MYSM1: variants seen among roughly 807,000 people sequenced by gnomAD.
The protein encoded by MYSM1 is Myb like, SWIRM and MPN domains 1.
A neutral mutation model predicts 116.0 loss-of-function variants in MYSM1; 51 were observed. The observed-to-expected ratio is 0.44, with a 90% CI of 0.35 to 0.56. The LOEUF is 0.56. Ranked by LOEUF, MYSM1 falls within the 20% of genes least tolerant of loss-of-function variation. The probability of loss-of-function intolerance (pLI) is 0.00; values close to 1 mark genes in which losing one functional copy is unlikely to be tolerated. For synonymous variants in MYSM1, 313 were observed against 315.2 expected (o/e 0.99, Z 0.07); for missense variants, 900 against 974.9 (o/e 0.92, Z 1.02).
At position 58,698,097 on chromosome 1, in the gene MYSM1, TATA is replaced by T. The variant is rs1156602754; in HGVS notation, c.68+1885_68+1887del. On this transcript the variant is annotated intron_variant, in intron 1 of 19. Transcript: ENST00000472487. ...CTATTTATCAGACTATATATATATA[TATA>T]TATTTTTTTTTTTTTTTTGAGACAG... 1.3e-4 allele frequency among the ~76,000 whole-genome samples: 6 copies of T among 45,738 alleles called. No individual in the cohort carries two copies. In the Admixed American group the frequency reaches 1.4e-3, roughly 11 times the overall value. The allele number at this position is 45,738 out of a possible 152,430, so 30.0% of individuals were successfully genotyped here. A position where few individuals can be genotyped will look rare whatever the true frequency, so the allele number is the denominator to read the frequency against.
At chr1:58,694,507 G>A (rs190149720) in intron 2 of MYSM1, among the ~76,000 whole-genome samples, 171 of 152,122 alleles carry the variant, frequency 1.1e-3, no homozygotes, top group African/African-American at 4.0e-3. Context: ...TGTAGTCCCA[G>A]CTACTCGGGA....
Position 58,682,332 on chromosome 1 carries a change from G to C in MYSM1, c.712C>G (p.Gln238Glu). The part of the protein sequence containing the change: ...EVDELSSQTP[Q>E]KNSSSDLLLD... Reference sequence around the variant, plus strand: ...AAGAGATCACTGCTAGAATTCTTCTGGGGTGTTTGAGAAGACAACTCGTCC... The same window carrying C: ...AAGAGATCACTGCTAGAATTCTTCTCGGGTGTTTGAGAAGACAACTCGTCC... Residue 238 changes from glutamine to glutamate, a missense_variant, in exon 8 of 20, where the codon CAG (glutamine) becomes GAG (glutamate). By Grantham distance (29) the Gln-to-Glu change is conservative (BLOSUM62 2). Around this residue, in one of 3 missense-constraint regions of MYSM1, gnomAD observed 622 missense variants for 623.7 expected, o/e 1.00. Coordinates refer to ENST00000472487, the MANE Select transcript of MYSM1 (RefSeq NM_001085487.3). The C allele has an allele frequency of 1.2e-6, 2 of 1,613,944 alleles. No homozygotes were observed. The highest frequency in any genetic ancestry group is 8.5e-7 in the Non-Finnish European group (1 of 1,179,922).
intron 17 of MYSM1, among the ~76,000 whole-genome samples, chr1:58,663,695 G>T (rs567341611): frequency 6.6e-6 from 1 of 152,264 alleles, no homozygotes; most frequent in East Asian, 1.9e-4. Flanking sequence ...TCACATACAT[G>T]TGCTGATCTG....
At position 58,656,533 on chromosome 1, in the gene MYSM1, A is replaced by AAAAC. The variant is rs1190746127; in HGVS notation, c.*3460_*3463dup. Reference sequence around the variant, plus strand: ...ACCAAAACAAAAATATCTGAAGACTAAAACAAACCACTGCCTCCTATCTTT... The same window carrying AAAAC: ...ACCAAAACAAAAATATCTGAAGACTAAAACAAACAAACCACTGCCTCCTATCTTT... On this transcript the variant is annotated 3_prime_UTR_variant, in exon 20 of 20. Coordinates refer to ENST00000472487, the MANE Select transcript of MYSM1 (RefSeq NM_001085487.3). 1.3e-5 allele frequency: 2 copies of AAAAC among 152,194 alleles called. No individual in the cohort carries two copies. The highest frequency in any genetic ancestry group is 1.5e-5 in the Non-Finnish European group (1 of 68,018). The allele number at this position is 152,194 out of a possible 1,614,324, so 9.4% of individuals were successfully genotyped here. A position where few individuals can be genotyped will look rare whatever the true frequency, so the allele number is the denominator to read the frequency against.
chr1:58,671,325 G>A (rs561926667), intron 12 of MYSM1, among the ~76,000 whole-genome samples: 17 of 152,056 alleles, frequency 1.1e-4, no homozygotes, highest in Non-Finnish European at 2.2e-4. Context: ...AGGATTACCC[G>A]AGGACATTTA....
At chr1:58,675,145 TGA>T (rs1316021548) in intron 10 of MYSM1, among the ~76,000 whole-genome samples, 2 of 151,714 alleles carry the variant, frequency 1.3e-5, no homozygotes, top group African/African-American at 4.8e-5. Context: ...GAAAAATCAA[TGA>T]GAGAAAAAAA....
intron 17 of MYSM1, among the ~76,000 whole-genome samples, chr1:58,662,064 G>A (rs1372059726): frequency 6.6e-6 from 1 of 151,852 alleles, no homozygotes; most frequent in Non-Finnish European, 1.5e-5. Flanking sequence ...TTAAAACCCA[G>A]CAGGTTTGCC....
intron 3 of MYSM1, among the ~76,000 whole-genome samples, chr1:58,692,091 T>C (rs1226424241): frequency 6.6e-6 from 1 of 152,184 alleles, no homozygotes; most frequent in African/African-American, 2.4e-5. Context: ...ATCTAGGCTA[T>C]AACTGCAATG....
Position 58,690,361 on chromosome 1 carries a change from T to A in MYSM1, c.275A>T (p.Asp92Val), listed in dbSNP as rs540061110. Residue 92 changes from aspartate to valine, a missense_variant, in exon 4 of 20, where the codon GAT becomes GTT. Physicochemically the swap from Asp to Val is radical, Grantham distance 152. Coordinates refer to ENST00000472487, the MANE Select transcript of MYSM1 (RefSeq NM_001085487.3). Reference sequence around the variant, plus strand: ...TTACCTCTTCATGTATTTTTTATCATCTTCCTTTTGATCAAGCCAGACTTT... The same window carrying A: ...TTACCTCTTCATGTATTTTTTATCAACTTCCTTTTGATCAAGCCAGACTTT... ...PEKVWLDQKE[D>V]DKKYMKSLQK... 2 of 1,604,910 alleles carry A rather than the reference T, an allele frequency of 1.2e-6. No homozygotes were observed. Among genetic ancestry groups the A allele is most frequent in the East Asian group, 4.5e-5 (2 of 44,686 alleles).
In MYSM1 at chr1:58,681,979, C is replaced by CA; in HGVS notation, c.1064dup (p.Met355IlefsTer14). The CA allele has an allele frequency of 6.2e-7, 1 of 1,614,066 alleles. No individual in the cohort carries two copies. The highest frequency in any genetic ancestry group is 8.5e-7 in the Non-Finnish European group (1 of 1,180,004). The stretch of plus-strand genomic sequence containing the variant: ...CTACCATTTGGCAAGAATGAAAAAG[C>CA]ATTTCATTATCATTCAAATTTTTCT... On this transcript the variant is annotated frameshift_variant, in exon 8 of 20. Transcript: ENST00000472487. LOFTEE classifies it high-confidence loss of function.
intron 3 of MYSM1, 94 bp from the exon 4 acceptor site, chr1:58,690,511 A>AAAT: frequency 1.2e-6 from 1 of 818,220 alleles, no homozygotes; most frequent in Non-Finnish European, 1.9e-6. Context: ...AATGTTATTA[A>AAAT]TAGTTCCCTT....
At chr1:58,692,582 C>A in intron 3 of MYSM1, 1 of 250,956 alleles carries the variant, frequency 4.0e-6, no homozygotes, top group South Asian at 1.3e-4. Context: ...TTCAAAATGA[C>A]TTAAATATTC....
chr1:58,669,529 C>T (rs551185026), intron 12 of MYSM1, among the ~76,000 whole-genome samples: 1 of 152,198 alleles, frequency 6.6e-6, no homozygotes, highest in Admixed American at 6.5e-5. Flanking sequence ...ATCATAAACT[C>T]TTCAAGTGAA....
chr1:58,698,966 C>A (rs866998603), intron 1 of MYSM1, among the ~76,000 whole-genome samples: 1 of 152,182 alleles, frequency 6.6e-6, no homozygotes, highest in African/African-American at 2.4e-5. Flanking sequence ...GGCTGAACTA[C>A]ATGAAGTTGC....
chr1:58,672,283 TGTTGA>T (rs1327525558), intron 11 of MYSM1, among the ~76,000 whole-genome samples: 2 of 152,124 alleles, frequency 1.3e-5, no homozygotes, highest in Non-Finnish European at 2.9e-5. Flanking sequence ...TATTCTACTG[TGTTGA>T]GTTTTCTTTC....
intron 11 of MYSM1, 78 bp from the exon 12 acceptor site, chr1:58,672,036 T>C (rs1455622423): frequency 2.3e-5 from 27 of 1,149,332 alleles, no homozygotes; most frequent in Non-Finnish European, 3.4e-5. Context: ...TAAAATCAAA[T>C]TGAAGGGCAT....
At chr1:58,680,573 C>T (rs1644723878) in intron 8 of MYSM1, among the ~76,000 whole-genome samples, 2 of 152,082 alleles carry the variant, frequency 1.3e-5, no homozygotes, top group African/African-American at 4.8e-5. Context: ...CTTTAAAAAC[C>T]AAAGACTTAT....
At chr1:58,661,594 C>A (rs1207213420) in intron 17 of MYSM1, 83 bp from the exon 18 acceptor site, 3 of 773,556 alleles carry the variant, frequency 3.9e-6, no homozygotes, top group Non-Finnish European at 6.2e-6. Context: ...AAATTCCCTT[C>A]GGTGTTTTTA....
intron 2 of MYSM1, among the ~76,000 whole-genome samples, chr1:58,694,485 G>T (rs762584586): frequency 1.4e-4 from 21 of 152,110 alleles, no homozygotes; most frequent in Non-Finnish European, 2.8e-4. Flanking sequence ...GCTGGGCGGG[G>T]TGGCACACGC....
Sources: gnomAD v4.1 joint callset for allele counts (sites outside exome capture counted in the v4.1 genomes callset) on GRCh38, gnomAD v4.1.1 for gene constraint, gnomAD v4.1.1 regional missense constraint, MANE v1.5 for transcripts, NCBI Gene and HGNC (gene_info 2026-07-23, HGNC 2026-07-21) for gene names.